CELF2: variants seen among roughly 807,000 people sequenced by gnomAD.
CELF2 encodes CUGBP Elav-like family member 2, also known as CUG triplet repeat RNA-binding protein 2.
Under a neutral mutation model 62.6 loss-of-function variants are expected in CELF2, and 8 were observed. That is an observed-to-expected ratio of 0.13 (90% CI 0.07 to 0.23). CELF2 has a LOEUF of 0.23. Among genes scored for constraint, CELF2 ranks in the 10% least tolerant of loss-of-function variants. CELF2 has a pLI of 1.00. For synonymous variants in CELF2, 258 were observed against 250.0 expected, an observed-to-expected ratio of 1.03 and a Z score of -0.30; for missense variants, 333 against 671.0, an observed-to-expected ratio of 0.50 and a Z score of 5.56.
chr10:11,300,355 T>C lies in CELF2; in HGVS notation c.976+11803T>C, dbSNP rs2093602453. Among the ~76,000 whole-genome samples, 1 of 152,166 alleles carries C rather than the reference T, an allele frequency of 6.6e-6. No homozygotes were observed. The highest frequency in any genetic ancestry group is 2.1e-4 in the South Asian group (1 of 4,826). On this transcript the variant is annotated intron_variant, in intron 9 of 12. Coordinates refer to ENST00000633077, the MANE Select transcript of CELF2 (RefSeq NM_001326342.2). This position sits in a 1 kb window ranked among gnomAD's most constrained non-coding sequence, Gnocchi z 5.5. ...CAGTCTTCCTGAGAACCAGTAGTGA[T>C]GACTCTTGCCCAGCACTGCACCAAG... is the stretch of plus-strand genomic sequence containing the variant.
At chr10:10,725,457 G>A in the CELF2 span, among the ~76,000 whole-genome samples, 1 of 152,208 alleles carries the variant, frequency 6.6e-6, no homozygotes, top group Non-Finnish European at 1.5e-5. Flanking sequence ...ATTGCCTGAT[G>A]TAATGTATAC....
chr10:10,729,445 T>C, the CELF2 span, among the ~76,000 whole-genome samples: 1 of 152,178 alleles, frequency 6.6e-6, no homozygotes, highest in Non-Finnish European at 1.5e-5. Context: ...GTTATGTTTC[T>C]CAGAAAGCAA....
intron 1 of CELF2, among the ~76,000 whole-genome samples, chr10:11,125,442 T>TTAA (rs200651650): frequency 2.7e-5 from 4 of 145,864 alleles, no homozygotes; most frequent in South Asian, 2.2e-4. Context: ...AGTAACTGGA[T>TTAA]AAAAAAAAAA....
intron 1 of CELF2, among the ~76,000 whole-genome samples, chr10:10,887,235 C>T (rs985421345): frequency 1.3e-5 from 2 of 151,942 alleles, no homozygotes; most frequent in Non-Finnish European, 2.9e-5. Flanking sequence ...GCATTTCTGA[C>T]AGTCAGTGTC....
chr10:10,691,433 T>A, the CELF2 span, among the ~76,000 whole-genome samples: 1 of 147,676 alleles, frequency 6.8e-6, no homozygotes, highest in African/African-American at 2.5e-5. Context: ...TGGTTCCAAG[T>A]CTTTGCTATT....
intron 2 of CELF2, chr10:10,924,992 G>A (rs1007899991): frequency 2.6e-5 from 4 of 152,148 alleles, no homozygotes; most frequent in African/African-American, 7.2e-5. Flanking sequence ...TAAAGGACGA[G>A]AGAGACTTAC....
the CELF2 span, among the ~76,000 whole-genome samples, chr10:10,475,407 G>A: frequency 1.3e-5 from 2 of 151,570 alleles, no homozygotes; most frequent in Admixed American, 1.3e-4. Context: ...ATGTAAAACT[G>A]GTGAAGGTAC....
chr10:11,067,041 C>A (rs1479297792), intron 1 of CELF2, among the ~76,000 whole-genome samples: 2 of 152,188 alleles, frequency 1.3e-5, no homozygotes, highest in Non-Finnish European at 2.9e-5. Flanking sequence ...ACTTTGACTT[C>A]ACTCTCAATT....
At chr10:11,120,764 G>C (rs942364013) in intron 1 of CELF2, among the ~76,000 whole-genome samples, 2 of 152,166 alleles carry the variant, frequency 1.3e-5, no homozygotes, top group African/African-American at 4.8e-5. Context: ...TGCTGTGGCT[G>C]GTTTGGGCCC....
chr10:11,145,467 A>G lies in CELF2; in HGVS notation c.75-20019A>G, dbSNP rs1353960245. ...TGCCTGGTGAGTGATTGCATTTAAT[A>G]TAAGAATCAGGTAAAATTGTCCGCA... On this transcript the variant is annotated intron_variant, in intron 1 of 12. Coordinates refer to ENST00000633077, the MANE Select transcript of CELF2 (RefSeq NM_001326342.2). The surrounding 1 kb of genome is among the most constrained non-coding windows in gnomAD (Gnocchi z 4.3). Among the ~76,000 whole-genome samples, 1 of 152,228 alleles carries G rather than the reference A, an allele frequency of 6.6e-6. No homozygotes were observed. Among genetic ancestry groups the G allele is most frequent in the East Asian group, 1.9e-4 (1 of 5,204 alleles).
intron 2 of CELF2, among the ~76,000 whole-genome samples, chr10:10,935,605 G>A (rs945810313): frequency 6.6e-6 from 1 of 152,082 alleles, no homozygotes; most frequent in Non-Finnish European, 1.5e-5. Context: ...GGGATGCCTG[G>A]GAAGTTAACA....
intron 1 of CELF2, among the ~76,000 whole-genome samples, chr10:10,845,156 C>T (rs534915123): frequency 1.8e-4 from 27 of 152,090 alleles, no homozygotes; most frequent in Admixed American, 5.9e-4. Flanking sequence ...CGAGAAATTG[C>T]TGTGGCCATT....
At chr10:10,925,806 C>T (rs1293231599) in intron 2 of CELF2, among the ~76,000 whole-genome samples, 1 of 152,090 alleles carries the variant, frequency 6.6e-6, no homozygotes, top group African/African-American at 2.4e-5. Flanking sequence ...AACAAACCCT[C>T]TGGCCTAAGT....
chr10:10,718,813 G>A, the CELF2 span, among the ~76,000 whole-genome samples: 919 of 152,000 alleles, frequency 6.0e-3, 65 homozygotes, highest in East Asian at 0.14. Context: ...CTTGTCACCT[G>A]CTGATAGGAA....
At chr10:10,868,829 A>T (rs1048913702) in intron 1 of CELF2, among the ~76,000 whole-genome samples, 1 of 152,264 alleles carries the variant, frequency 6.6e-6, no homozygotes, top group Non-Finnish European at 1.5e-5. Flanking sequence ...AAGTTTAAAC[A>T]TGGTAGAAAA....
intron 2 of CELF2, chr10:10,946,373 A>T (rs1440458607): frequency 6.6e-6 from 1 of 152,552 alleles, no homozygotes; most frequent in Non-Finnish European, 1.5e-5. Flanking sequence ...CAGAGGGTTA[A>T]ATTACCTACA....
At chr10:10,925,633 C>A (rs1009464136) in intron 2 of CELF2, among the ~76,000 whole-genome samples, 1 of 152,096 alleles carries the variant, frequency 6.6e-6, no homozygotes. Flanking sequence ...TAGTTCTGAT[C>A]AGAGGCAGTA....
chr10:10,906,965 C>A (rs572107768), intron 1 of CELF2, among the ~76,000 whole-genome samples: 1 of 152,206 alleles, frequency 6.6e-6, no homozygotes, highest in South Asian at 2.1e-4. Context: ...GATCCACCCC[C>A]CTCAGCCTCC....
chr10:10,746,425 T>C, the CELF2 span, among the ~76,000 whole-genome samples: 2 of 152,338 alleles, frequency 1.3e-5, no homozygotes, highest in Admixed American at 6.5e-5. Flanking sequence ...CTATGCCAAA[T>C]AAGCTTAGAC....
Sources: gnomAD v4.1 joint callset for allele counts (sites outside exome capture counted in the v4.1 genomes callset) on GRCh38, gnomAD v4.1.1 for gene constraint, Gnocchi (gnomAD v3.1) non-coding constraint, MANE v1.5 for transcripts, NCBI Gene and HGNC (gene_info 2026-07-23, HGNC 2026-07-21) for gene names.